Variants in AGO3 observed in about 807,000 individuals in gnomAD.
AGO3 encodes the protein protein argonaute-3.
Under a neutral mutation model 105.5 loss-of-function variants are expected in AGO3, and 16 were observed. That is an observed-to-expected ratio of 0.15 (90% confidence interval 0.10 to 0.23). AGO3 has a LOEUF of 0.23. AGO3 is among the 10% of genes least tolerant of loss of function. AGO3 has a pLI of 1.00. For synonymous variants in AGO3, 340 were observed against 367.3 expected (o/e 0.93, Z 0.85); for missense variants, 534 against 1,088.0 (o/e 0.49, Z 7.16).
intron 16 of AGO3, among the ~76,000 whole-genome samples, chr1:36,041,021 C>T (rs1344380710): frequency 1.4e-5 from 2 of 138,386 alleles, no homozygotes; most frequent in Non-Finnish European, 3.0e-5. Context: ...TGCAGTGAGC[C>T]GAGATGGTGC....
At position 36,062,064 on chromosome 1, in the gene AGO3, C is replaced by A. The variant is rs1300150328; in HGVS notation, c.*6319C>A. The A allele has an allele frequency of 6.6e-6, 1 of 151,962 alleles. No individual in the cohort carries two copies. The highest frequency in any genetic ancestry group is 1.5e-5 in the Non-Finnish European group (1 of 68,004). The allele number at this position is 151,962 out of a possible 1,614,324, so 9.4% of individuals were successfully genotyped here. ...TCCATAATGCACATAAAACAGCAAACCTACTTAACTTTTTAACAAGATTAT... is the reference window on the plus strand; with the variant it reads ...TCCATAATGCACATAAAACAGCAAAACTACTTAACTTTTTAACAAGATTAT... On this transcript the variant is annotated 3_prime_UTR_variant, in exon 19 of 19. Transcript: ENST00000373191.
intron 2 of AGO3, among the ~76,000 whole-genome samples, chr1:35,947,914 A>T (rs991305479): frequency 6.6e-6 from 1 of 152,080 alleles, no homozygotes; most frequent in Non-Finnish European, 1.5e-5. Context: ...AAAGGCATTT[A>T]TTAGCTGAGC....
chr1:35,936,080 A>G (rs142774574), intron 1 of AGO3, among the ~76,000 whole-genome samples: 1 of 152,300 alleles, frequency 6.6e-6, no homozygotes, highest in Non-Finnish European at 1.5e-5. Flanking sequence ...TACTGAATAG[A>G]CCCTCATTCT....
In AGO3 at chr1:36,062,982, C is replaced by A. The variant is rs1002679225; in HGVS notation, c.*7237C>A. The A allele has an allele frequency of 1.3e-5, 2 of 151,948 alleles. No homozygotes were observed. The highest frequency in any genetic ancestry group is 4.8e-5 in the African/African-American group (2 of 41,380). 9.4% of individuals were successfully genotyped at this position (151,948 alleles called of 1,614,324 possible). On this transcript the variant is annotated 3_prime_UTR_variant, in exon 19 of 19. Coordinates refer to ENST00000373191, the MANE Select transcript of AGO3 (RefSeq NM_024852.4). ...ATATTTATTGGCAATTTGTATGCAA[C>A]TTTTATATTTTGCTTGTCGGTTTTA... is the stretch of plus-strand genomic sequence containing the variant.
intron 17 of AGO3, among the ~76,000 whole-genome samples, chr1:36,044,700 C>T (rs1023354128): frequency 1.3e-5 from 2 of 152,126 alleles, no homozygotes; most frequent in African/African-American, 4.8e-5. Flanking sequence ...CCTTGGCCTC[C>T]CAAAGTGCGG....
intron 5 of AGO3, among the ~76,000 whole-genome samples, chr1:35,988,796 G>A (rs1297118108): frequency 6.6e-6 from 1 of 152,084 alleles, no homozygotes. Flanking sequence ...TGTAGTCCCT[G>A]AAGTGGGATT....
At chr1:35,930,921 G>C (rs1439242063), upstream of AGO3, 1 of 275,314 alleles carries the variant, frequency 3.6e-6, no homozygotes, top group Non-Finnish European at 6.7e-6. Context: ...GCACGGCCCG[G>C]CGGGGTACGG....
chr1:35,967,628 A>G (rs956156270), intron 3 of AGO3, among the ~76,000 whole-genome samples: 17 of 151,830 alleles, frequency 1.1e-4, no homozygotes, highest in African/African-American at 3.6e-4. Flanking sequence ...TGTTGGCCAG[A>G]CTGGTCTCAA....
intron 16 of AGO3, among the ~76,000 whole-genome samples, chr1:36,040,774 A>T (rs1024878740): frequency 2.0e-5 from 3 of 152,074 alleles, no homozygotes; most frequent in Non-Finnish European, 4.4e-5. Context: ...TTAGTTTTTT[A>T]AAAAAGTGGA....
intron 5 of AGO3, among the ~76,000 whole-genome samples, chr1:35,973,771 A>G (rs1646909237): frequency 1.3e-5 from 2 of 152,222 alleles, no homozygotes; most frequent in Admixed American, 6.5e-5. Context: ...GCAATCTTCT[A>G]TTATAACTCA....
chr1:35,937,281 T>C (rs1044987531), intron 1 of AGO3, among the ~76,000 whole-genome samples: 6 of 151,012 alleles, frequency 4.0e-5, no homozygotes, highest in African/African-American at 1.5e-4. Context: ...CGGGTGCCTG[T>C]AATACCCGCT....
chr1:36,006,841 A>AT (rs1385452663), intron 6 of AGO3, among the ~76,000 whole-genome samples: 3 of 152,274 alleles, frequency 2.0e-5, no homozygotes, highest in South Asian at 2.1e-4. Context: ...TAACATCTTA[A>AT]TTTGTTCTGA....
rs1389281005 is a variant in AGO3 at position 35,993,769 on chromosome 1, A to G, written c.659-10572A>G. 6.9e-5 allele frequency among the ~76,000 whole-genome samples: 7 copies of G among 102,130 alleles called. No homozygotes were observed. In the East Asian group the frequency reaches 1.2e-3, roughly 18 times the overall value. 67.0% of individuals were successfully genotyped at this position (102,130 alleles called of 152,430 possible). ...TTTTTTTTTTTTTTTTTTTTTGGAG[A>G]CAGAGTCTTGCTCTGTCGCCCAGGC... On this transcript the variant is annotated intron_variant, in intron 5 of 18. Transcript: ENST00000373191.
intron 2 of AGO3, among the ~76,000 whole-genome samples, chr1:35,960,918 AC>A (rs1217838109): frequency 2.0e-5 from 3 of 151,872 alleles, no homozygotes; most frequent in African/African-American, 7.3e-5. Context: ...GATAAAATTT[AC>A]AATGTTTCTT....
intron 1 of AGO3, among the ~76,000 whole-genome samples, chr1:35,938,459 T>C (rs1646192816): frequency 6.6e-6 from 1 of 152,238 alleles, no homozygotes; most frequent in South Asian, 2.1e-4. Flanking sequence ...TCTGTCCATA[T>C]ATTTATCATA....
At chr1:35,940,337 G>A (rs75073735) in intron 1 of AGO3, among the ~76,000 whole-genome samples, 1,831 of 152,304 alleles carry the variant, frequency 0.012, 17 homozygotes, top group Non-Finnish European at 0.018. Context: ...AGAGTGCTGG[G>A]ATTACAGGCA....
rs1646036248 is a variant in AGO3, at chr1:35,931,133, G to GAGGAGCGGT, written c.-293_-285dup. ...TCGGCGGCGGCGGCCCGCAGTCGTG[G>GAGGAGCGGT]AGGAGCGGTGGGAGCGTCGGCGGCC... On this transcript the variant is annotated 5_prime_UTR_variant, in exon 1 of 19. Coordinates refer to ENST00000373191, the MANE Select transcript of AGO3 (RefSeq NM_024852.4). The GAGGAGCGGT allele has an allele frequency of 5.0e-6, 2 of 396,788 alleles. No individual in the cohort carries two copies. Among genetic ancestry groups the GAGGAGCGGT allele is most frequent in the Admixed American group, 8.8e-5 (2 of 22,630 alleles). 24.6% of individuals were successfully genotyped at this position (396,788 alleles called of 1,614,324 possible). A position where few individuals can be genotyped will look rare whatever the true frequency, so the allele number is the denominator to read the frequency against.
chr1:36,051,590 T>C (rs192579990), intron 17 of AGO3, among the ~76,000 whole-genome samples: 241 of 151,900 alleles, frequency 1.6e-3, no homozygotes, highest in Admixed American at 6.8e-3. Context: ...CGTGCTGACA[T>C]GTACCTGTGG....
intron 2 of AGO3, among the ~76,000 whole-genome samples, chr1:35,965,820 C>CTTT (rs925988577): frequency 3.7e-4 from 45 of 120,118 alleles, no homozygotes; most frequent in African/African-American, 4.7e-4. Flanking sequence ...TTGAATCTCT[C>CTTT]TTTTTTTTTT....
Sources: gnomAD v4.1 joint callset for allele counts (sites outside exome capture counted in the v4.1 genomes callset) on GRCh38, gnomAD v4.1.1 for gene constraint, MANE v1.5 for transcripts, NCBI Gene and HGNC (gene_info 2026-07-23, HGNC 2026-07-21) for gene names.